RABGAP1L: variants seen among roughly 807,000 people sequenced by gnomAD.
RABGAP1L encodes rab GTPase-activating protein 1-like.
RABGAP1L carries 63 observed loss-of-function variants against 137.7 expected under a neutral mutation model. The observed-to-expected ratio is 0.46, with a 90% confidence interval of 0.37 to 0.56. RABGAP1L has a LOEUF of 0.56. Ranked by LOEUF, RABGAP1L falls within the 20% of genes least tolerant of loss-of-function variation. The pLI is 0.00. For synonymous variants in RABGAP1L, 431 were observed against 433.7 expected, an observed-to-expected ratio of 0.99 and a Z score of 0.08; for missense variants, 1,095 against 1,244.0, an observed-to-expected ratio of 0.88 and a Z score of 1.80.
chr1:174,625,807 G>T (rs905182235), intron 13 of RABGAP1L, among the ~76,000 whole-genome samples: 1 of 152,146 alleles, frequency 6.6e-6, no homozygotes, highest in African/African-American at 2.4e-5. Flanking sequence ...TAATAATTAG[G>T]TTAAAATAGG....
chr1:174,730,102 C>T (rs1682336552), intron 17 of RABGAP1L, among the ~76,000 whole-genome samples: 4 of 152,186 alleles, frequency 2.6e-5, no homozygotes, highest in Non-Finnish European at 1.5e-5. Context: ...TACACATATA[C>T]CACAGGATAC....
chr1:174,963,112 AT>A (rs1203673020), intron 20 of RABGAP1L, among the ~76,000 whole-genome samples: 4 of 151,576 alleles, frequency 2.6e-5, no homozygotes, highest in East Asian at 3.9e-4. Flanking sequence ...AAAAAAAAAA[AT>A]TTTTTTTCTG....
chr1:174,450,867 A>G lies in RABGAP1L; in HGVS notation c.1710+56722A>G, dbSNP rs144651040. Among the ~76,000 whole-genome samples the G allele has an allele frequency of 1.8e-3, 278 of 152,290 alleles. 2 individuals are homozygous for G. The highest frequency in any genetic ancestry group is 6.4e-3 in the African/African-American group (265 of 41,562). Reference sequence around the variant, plus strand: ...GAAATGCATTTAATAAAATGTGCCTATGACTCTTCAAATTAGAAGCCAACC... The same window carrying G: ...GAAATGCATTTAATAAAATGTGCCTGTGACTCTTCAAATTAGAAGCCAACC... On this transcript the variant is annotated intron_variant, in intron 13 of 25. Coordinates refer to ENST00000681986, the MANE Select transcript of RABGAP1L (RefSeq NM_001366446.1).
At chr1:174,527,204 G>GTTTTT (rs57011947) in intron 13 of RABGAP1L, among the ~76,000 whole-genome samples, 12 of 119,642 alleles carry the variant, frequency 1.0e-4, no homozygotes, top group South Asian at 2.6e-4. Flanking sequence ...TTTTTATTTT[G>GTTTTT]TTTTTTTTTT....
At position 174,302,607 on chromosome 1, in the gene RABGAP1L, G is replaced by A. The variant is rs543126355; in HGVS notation, c.1324-2379G>A. Among the ~76,000 whole-genome samples, 3 of 152,276 alleles carry A rather than the reference G, an allele frequency of 2.0e-5. No homozygotes were observed. In the South Asian group the frequency reaches 6.2e-4, roughly 32 times the overall value. ...GAGATAGTTTGGAGAGAAGAGGCTTGCCCATAAGAAAAGGATAGGCTTCAG... is the reference window on the plus strand; with the variant it reads ...GAGATAGTTTGGAGAGAAGAGGCTTACCCATAAGAAAAGGATAGGCTTCAG... On this transcript the variant is annotated intron_variant, in intron 10 of 25. Transcript: ENST00000681986.
intron 1 of RABGAP1L, among the ~76,000 whole-genome samples, chr1:174,170,837 A>G (rs552280029): frequency 6.6e-6 from 1 of 152,272 alleles, no homozygotes; most frequent in African/African-American, 2.4e-5. Flanking sequence ...GAATCAAAAA[A>G]GATAAGATGT....
chr1:174,841,993 A>G (rs1241215275), intron 19 of RABGAP1L, among the ~76,000 whole-genome samples: 1 of 152,184 alleles, frequency 6.6e-6, no homozygotes, highest in Non-Finnish European at 1.5e-5. Flanking sequence ...GACCATTATG[A>G]TAAAAGGAAT....
chr1:174,467,589 A>G (rs1005511958), intron 13 of RABGAP1L, among the ~76,000 whole-genome samples: 36 of 152,286 alleles, frequency 2.4e-4, no homozygotes, highest in Non-Finnish European at 3.1e-4. Flanking sequence ...TAACAGAGCT[A>G]CTGTATGACA....
chr1:174,758,851 A>G (rs2148696047), intron 18 of RABGAP1L, among the ~76,000 whole-genome samples: 1 of 152,298 alleles, frequency 6.6e-6, no homozygotes, highest in African/African-American at 2.4e-5. Context: ...TTCATCTAGT[A>G]ACCTCCACTT....
At chr1:174,434,926 G>C (rs544596750) in intron 13 of RABGAP1L, among the ~76,000 whole-genome samples, 1 of 152,242 alleles carries the variant, frequency 6.6e-6, no homozygotes, top group African/African-American at 2.4e-5. Flanking sequence ...TTGGCTTGCT[G>C]ATTTTCTTAA....
intron 19 of RABGAP1L, among the ~76,000 whole-genome samples, chr1:174,850,705 G>A (rs761143744): frequency 6.6e-6 from 1 of 152,174 alleles, no homozygotes; most frequent in Non-Finnish European, 1.5e-5. Flanking sequence ...TACTGATTCT[G>A]TGATTATGTT....
intron 13 of RABGAP1L, among the ~76,000 whole-genome samples, chr1:174,439,216 A>G (rs1653846428): frequency 6.6e-6 from 1 of 152,206 alleles, no homozygotes; most frequent in Non-Finnish European, 1.5e-5. Flanking sequence ...AGGTTTTCCC[A>G]TAAAGTGTCT....
chr1:174,179,167 A>G (rs1666142027), intron 1 of RABGAP1L, among the ~76,000 whole-genome samples: 1 of 151,866 alleles, frequency 6.6e-6, no homozygotes, highest in Non-Finnish European at 1.5e-5. Flanking sequence ...GCCTTAGCCT[A>G]AGCTGATTTT....
chr1:174,731,792 C>T (rs1159258537), intron 17 of RABGAP1L, among the ~76,000 whole-genome samples: 4 of 152,218 alleles, frequency 2.6e-5, no homozygotes, highest in Non-Finnish European at 5.9e-5. Flanking sequence ...GCCTTCCTTG[C>T]TACATCTTCT....
chr1:174,373,314 TGCAGA>T (rs2149007061), intron 12 of RABGAP1L, among the ~76,000 whole-genome samples: 1 of 152,322 alleles, frequency 6.6e-6, no homozygotes, highest in African/African-American at 2.4e-5. Flanking sequence ...AGCATTTTAA[TGCAGA>T]TAATTGGCTT....
chr1:174,568,362 CAT>C (rs1667724385), intron 13 of RABGAP1L, among the ~76,000 whole-genome samples: 1 of 152,178 alleles, frequency 6.6e-6, no homozygotes. Flanking sequence ...AGGGAACAAA[CAT>C]ATAAACCGTA....
chr1:174,667,923 G>C (rs1159590229), intron 14 of RABGAP1L, among the ~76,000 whole-genome samples: 1 of 152,154 alleles, frequency 6.6e-6, no homozygotes, highest in Non-Finnish European at 1.5e-5. Context: ...TACGATAGGT[G>C]CTCAGTAAAT....
chr1:174,430,851 C>T (rs1652549756), intron 13 of RABGAP1L, among the ~76,000 whole-genome samples: 1 of 152,140 alleles, frequency 6.6e-6, no homozygotes, highest in Non-Finnish European at 1.5e-5. Context: ...AGAGACATCT[C>T]ATAAAGACAA....
intron 13 of RABGAP1L, among the ~76,000 whole-genome samples, chr1:174,497,346 G>T (rs1441824641): frequency 6.6e-6 from 1 of 152,110 alleles, no homozygotes; most frequent in Non-Finnish European, 1.5e-5. Flanking sequence ...ACTTTGCAAG[G>T]ATCAATGTGC....
Sources: allele counts gnomAD v4.1 joint callset (sites outside exome capture counted in the v4.1 genomes callset), GRCh38; gene constraint gnomAD v4.1.1; transcripts MANE v1.5; gene names NCBI Gene and HGNC (gene_info 2026-07-23, HGNC 2026-07-21).